The following CLVS2 variants were observed in gnomAD, a reference collection of about 807,000 sequenced individuals.
CLVS2 encodes the protein clavesin 2, also known as clavesin-2.
A neutral mutation model predicts 29.0 loss-of-function variants in CLVS2; 19 were observed. The observed-to-expected ratio is 0.66, with a 90% confidence interval of 0.46 to 0.96. The LOEUF is 0.96. Ranked by LOEUF, CLVS2 falls within the 40% of genes least tolerant of loss-of-function variation. The pLI, the probability that CLVS2 is intolerant of heterozygous loss-of-function variation, is 0.00. For synonymous variants in CLVS2, 161 were observed against 151.3 expected (o/e 1.06, Z -0.47); for missense variants, 294 against 404.1 (o/e 0.73, Z 2.34).
chr6:123,047,899 A>G (rs1772541310), intron 3 of CLVS2, among the ~76,000 whole-genome samples: 1 of 152,138 alleles, frequency 6.6e-6, no homozygotes, highest in Admixed American at 6.5e-5. Flanking sequence ...TTCCCTTCAT[A>G]TTTTGGAATG....
chr6:123,012,978 A>G (rs543670288), intron 3 of CLVS2, among the ~76,000 whole-genome samples: 115 of 152,144 alleles, frequency 7.6e-4, no homozygotes, highest in Middle Eastern at 3.4e-3. Context: ...TTTTAATGCT[A>G]TATAATTACA....
intron 3 of CLVS2, among the ~76,000 whole-genome samples, chr6:123,036,527 C>T (rs1385816242): frequency 6.6e-6 from 1 of 152,116 alleles, no homozygotes; most frequent in East Asian, 1.9e-4. Context: ...GGGTAATGAT[C>T]CCAAGCTGAA....
intron 3 of CLVS2, among the ~76,000 whole-genome samples, chr6:123,029,652 G>T (rs541902651): frequency 6.6e-6 from 1 of 151,654 alleles, no homozygotes; most frequent in East Asian, 1.9e-4. Context: ...TAAGTTTTTT[G>T]TTTGTTTGTT....
rs1414162798 is a variant in CLVS2 at position 123,069,027 on chromosome 6, TTTAAG to T, written c.*5272_*5276del. On this transcript the variant is annotated 3_prime_UTR_variant, in exon 6 of 6. Coordinates refer to ENST00000275162, the MANE Select transcript of CLVS2 (RefSeq NM_001010852.4). ...TTTTGAGAGAAATTGTGCTTAGCTA[TTTAAG>T]TTAAGATTCCTCAAGTTTGTGATAT... 3.2e-4 allele frequency: 49 copies of T among 151,860 alleles called. No homozygotes were observed. The highest frequency in any genetic ancestry group is 9.9e-4 in the Admixed American group (15 of 15,190). 9.4% of individuals were successfully genotyped at this position (151,860 alleles called of 1,614,324 possible).
rs58103603 is a variant in CLVS2 at position 123,016,021 on chromosome 6, C to CTTTTTT, written c.564+4884_564+4889dup. On this transcript the variant is annotated intron_variant, in intron 3 of 5. Transcript: ENST00000275162. Reference sequence around the variant, plus strand: ...GTGATAGGTAAGGCACAACATCAGACTTTTTTTTTTTTTTTTTTTTTTTTT... The same window carrying CTTTTTT: ...GTGATAGGTAAGGCACAACATCAGACTTTTTTTTTTTTTTTTTTTTTTTTTTTTTTT... 9.8e-5 allele frequency among the ~76,000 whole-genome samples: 5 copies of CTTTTTT among 50,820 alleles called. 1 individual carries two copies. Among genetic ancestry groups the CTTTTTT allele is most frequent in the African/African-American group, 2.4e-4 (3 of 12,452 alleles). The allele number at this position is 50,820 out of a possible 152,430, so 33.3% of individuals were successfully genotyped here.
chr6:123,043,961 TACAC>T (rs974220964), intron 3 of CLVS2, among the ~76,000 whole-genome samples: 2 of 152,122 alleles, frequency 1.3e-5, no homozygotes, highest in African/African-American at 4.8e-5. Flanking sequence ...CTGATACACA[TACAC>T]ACACACATAT....
Position 123,063,717 on chromosome 6 carries a change from A to G in CLVS2, c.940A>G (p.Lys314Glu), listed in dbSNP as rs767545171. Residue 314 changes from lysine (K) to glutamate (E), a missense_variant, in exon 6 of 6, where the codon AAA (lysine) becomes GAA (glutamate). Physicochemically the swap from Lys to Glu is moderately conservative, Grantham distance 56. Around this residue, in one of 2 missense-constraint regions of CLVS2, gnomAD observed 82 missense variants for 67.8 expected, o/e 1.21. Transcript: ENST00000275162. The stretch of plus-strand genomic sequence containing the variant: ...TCCTACAGTACTAAAACGCATGGAT[A>G]AAAATGAGGAAGAAAACATGCAACC... Reference protein sequence around the residue: ...VDPTVLKRMDKNEEENMQPLL... With the variant: ...VDPTVLKRMDENEEENMQPLL... 4 of 1,612,258 alleles carry G rather than the reference A, an allele frequency of 2.5e-6. No homozygotes were observed. Among genetic ancestry groups the G allele is most frequent in the Non-Finnish European group, 3.4e-6 (4 of 1,178,542 alleles).
chr6:123,035,864 A>G (rs544505540), intron 3 of CLVS2, among the ~76,000 whole-genome samples: 15 of 152,290 alleles, frequency 9.8e-5, no homozygotes, highest in African/African-American at 3.4e-4. Flanking sequence ...ACATTTCTTT[A>G]TTCAGAAGAT....
At chr6:123,033,509 G>A (rs1297952607) in intron 3 of CLVS2, among the ~76,000 whole-genome samples, 1 of 151,914 alleles carries the variant, frequency 6.6e-6, no homozygotes, top group African/African-American at 2.4e-5. Flanking sequence ...GAAAAGCACA[G>A]GCAAATGAAA....
In CLVS2 at chr6:123,016,434, C is replaced by A. The variant is rs1280894763; in HGVS notation, c.564+5275C>A. Reference sequence around the variant, plus strand: ...TTGGACTTTTTTATAAATCCAGAATCTCCCAATTTATAGATGATTTTTAGC... The same window carrying A: ...TTGGACTTTTTTATAAATCCAGAATATCCCAATTTATAGATGATTTTTAGC... On this transcript the variant is annotated intron_variant, in intron 3 of 5. Coordinates refer to ENST00000275162, the MANE Select transcript of CLVS2 (RefSeq NM_001010852.4). Among the ~76,000 whole-genome samples the A allele has an allele frequency of 2.6e-5, 4 of 151,682 alleles. No homozygotes were observed. The East Asian group carries it at 7.8e-4, about 30-fold the overall frequency.
intron 5 of CLVS2, among the ~76,000 whole-genome samples, chr6:123,059,420 C>G (rs949534899): frequency 6.6e-6 from 1 of 152,150 alleles, no homozygotes; most frequent in Non-Finnish European, 1.5e-5. Flanking sequence ...CTCTGAATCC[C>G]CAGTGCCTGG....
At chr6:123,040,998 G>A (rs1775222231) in intron 3 of CLVS2, among the ~76,000 whole-genome samples, 1 of 152,016 alleles carries the variant, frequency 6.6e-6, no homozygotes, top group African/African-American at 2.4e-5. Context: ...TGACAGTTGT[G>A]TGCTATCTTG....
At chr6:123,033,787 T>C (rs766129560) in intron 3 of CLVS2, among the ~76,000 whole-genome samples, 4 of 151,896 alleles carry the variant, frequency 2.6e-5, no homozygotes, top group African/African-American at 7.2e-5. Context: ...AAGCCACCGA[T>C]GGGGAGAAAA....
intron 3 of CLVS2, among the ~76,000 whole-genome samples, chr6:123,039,727 G>A (rs1342982454): frequency 6.6e-6 from 1 of 152,168 alleles, no homozygotes. Context: ...GGCCATGTAT[G>A]TTTTGCTCAC....
chr6:123,032,788 G>A lies in CLVS2; in HGVS notation c.565-15834G>A, dbSNP rs911306121. ...GCAGTAGATTTGAAACTTTGGTAGG[G>A]TCCATGCTTACCTTGATCAACAACA... is the stretch of plus-strand genomic sequence containing the variant. On this transcript the variant is annotated intron_variant, in intron 3 of 5. Coordinates refer to ENST00000275162, the MANE Select transcript of CLVS2 (RefSeq NM_001010852.4). Among the ~76,000 whole-genome samples the A allele has an allele frequency of 3.3e-4, 50 of 151,990 alleles. 1 individual carries two copies. Among genetic ancestry groups the A allele is most frequent in the African/African-American group, 1.2e-3 (48 of 41,394 alleles).
At chr6:123,043,517 A>T (rs1322868025) in intron 3 of CLVS2, among the ~76,000 whole-genome samples, 1 of 152,178 alleles carries the variant, frequency 6.6e-6, no homozygotes, top group African/African-American at 2.4e-5. Flanking sequence ...AAAAAGTACA[A>T]GAAAGTGATT....
chr6:123,039,747 ATCT>A (rs967475712), intron 3 of CLVS2, among the ~76,000 whole-genome samples: 3 of 152,196 alleles, frequency 2.0e-5, no homozygotes, highest in African/African-American at 7.2e-5. Context: ...CAAAAGAGAG[ATCT>A]TCTTGCCCAT....
At chr6:123,010,307 G>A (rs1774730128) in intron 2 of CLVS2, among the ~76,000 whole-genome samples, 1 of 151,902 alleles carries the variant, frequency 6.6e-6, no homozygotes, top group African/African-American at 2.4e-5. Context: ...GCATTTATTG[G>A]GTTACTGGAA....
intron 3 of CLVS2, among the ~76,000 whole-genome samples, chr6:123,046,817 C>T (rs1772521408): frequency 6.6e-6 from 1 of 152,068 alleles, no homozygotes; most frequent in Non-Finnish European, 1.5e-5. Flanking sequence ...ATGTTGGTTT[C>T]ATCACAACAA....
Sources: gnomAD v4.1 joint callset for allele counts (sites outside exome capture counted in the v4.1 genomes callset) on GRCh38, gnomAD v4.1.1 for gene constraint, gnomAD v4.1.1 regional missense constraint, MANE v1.5 for transcripts, NCBI Gene and HGNC (gene_info 2026-07-23, HGNC 2026-07-21) for gene names.